The following MCIDAS variants were observed in gnomAD, a reference collection of about 807,000 sequenced individuals.
The protein encoded by MCIDAS is multiciliate differentiation and DNA synthesis associated cell cycle protein, also known as multicilin.
In MCIDAS, 23 loss-of-function variants were observed where a neutral mutation model predicts 35.4. The observed-to-expected ratio is 0.65, with a 90% confidence interval of 0.47 to 0.92. MCIDAS has a LOEUF of 0.92. MCIDAS is among the 40% of genes least tolerant of loss of function. The pLI, the probability that MCIDAS is intolerant of heterozygous loss-of-function variation, is 0.00. For synonymous variants in MCIDAS, 228 were observed against 235.2 expected (o/e 0.97, Z 0.28); for missense variants, 480 against 531.8 (o/e 0.90, Z 0.96).
chr5:55,222,990 G>C lies in MCIDAS; in HGVS notation c.343C>G (p.Leu115Val), dbSNP rs1745389286. ...HSHQTEADFN[L>V]QDFRDTVDDL... ...TCCACCGTGTCTCTGAAATCTTGCA[G>C]ATTGAAGTCTGCTTCCGTTTGGTGG... The change falls in exon 4 of 7, where the codon CTG (leucine) becomes GTG (valine). Residue 115 changes from leucine to valine, a missense_variant. By Grantham distance (32) the Leu-to-Val change is conservative. Transcript: ENST00000513312. 1 of 1,536,162 alleles carries C rather than the reference G, an allele frequency of 6.5e-7. No homozygotes were observed.
intron 4 of MCIDAS, 41 bp from the exon 5 acceptor site, chr5:55,222,440 T>C (rs1285000376): frequency 2.8e-6 from 4 of 1,431,212 alleles, no homozygotes; most frequent in East Asian, 2.5e-5. Context: ...CTCAAATTCA[T>C]GCCCAGCTAG....
Position 55,220,200 on chromosome 5 carries a change from C to A in MCIDAS, c.*166G>T. 1.5e-6 allele frequency: 1 copy of A among 653,076 alleles called. No individual in the cohort carries two copies. The allele number at this position is 653,076 out of a possible 1,614,324, so 40.5% of individuals were successfully genotyped here. A position where few individuals can be genotyped will look rare whatever the true frequency, so the allele number is the denominator to read the frequency against. On this transcript the variant is annotated 3_prime_UTR_variant, in exon 7 of 7. Coordinates refer to ENST00000513312, the MANE Select transcript of MCIDAS (RefSeq NM_001190787.3). ...AGTTTCACTGTGACAAGGGGAGGGG[C>A]TATACAATGTTTTGTAGCAGAAATT...
At position 55,220,176 on chromosome 5, in the gene MCIDAS, G is replaced by T; in HGVS notation, c.*190C>A. On this transcript the variant is annotated 3_prime_UTR_variant, in exon 7 of 7. Transcript: ENST00000513312. ...TGTGACATATACATATATAAACAGA[G>T]TTTCACTGTGACAAGGGGAGGGGCT... The T allele has an allele frequency of 3.3e-6, 2 of 602,318 alleles. No individual in the cohort carries two copies. Among genetic ancestry groups the T allele is most frequent in the Non-Finnish European group, 5.8e-6 (2 of 346,898 alleles). 37.3% of individuals were successfully genotyped at this position (602,318 alleles called of 1,614,324 possible).
chr5:55,227,220 A>G lies in MCIDAS; in HGVS notation c.-82T>C, dbSNP rs1745476063. 9.5e-6 allele frequency: 13 copies of G among 1,363,838 alleles called. No homozygotes were observed. The South Asian group carries it at 2.3e-4, about 24-fold the overall frequency. 84.5% of individuals were successfully genotyped at this position (1,363,838 alleles called of 1,614,324 possible). On this transcript the variant is annotated 5_prime_UTR_variant, in exon 1 of 7. Coordinates refer to ENST00000513312, the MANE Select transcript of MCIDAS (RefSeq NM_001190787.3). ...GCGATCCACACCCTGCACTCCCTTC[A>G]GTGCCTGCAGGCTCCGAAGCCAGCC...
In MCIDAS at chr5:55,226,904, CG is replaced by C; in HGVS notation, c.147del (p.Gly50AspfsTer28). On this transcript the variant is annotated frameshift_variant, in exon 2 of 7. Transcript: ENST00000513312. LOFTEE classifies it high-confidence loss of function. The part of the protein sequence containing the change: ...RKFAPPRKFF[P>X]GCTGGSPVSV... Reference sequence around the variant, plus strand: ...GACACCGGGCTCCCGCCTGTGCATCCGGGGAAGAACTTCCGCGGAGGAGCGA... The same window carrying C: ...GACACCGGGCTCCCGCCTGTGCATCCGGGAAGAACTTCCGCGGAGGAGCGA... The C allele has an allele frequency of 2.1e-6, 3 of 1,421,890 alleles. No homozygotes were observed. Among genetic ancestry groups the C allele is most frequent in the Non-Finnish European group, 1.8e-6 (2 of 1,094,222 alleles). 88.1% of individuals were successfully genotyped at this position (1,421,890 alleles called of 1,614,324 possible).
chr5:55,222,407 A>T lies in MCIDAS; in HGVS notation c.383-8T>A. On this transcript the variant is annotated splice_region_variant and splice_polypyrimidine_tract_variant and intron_variant, in intron 4 of 6. Transcript: ENST00000513312. Reference sequence around the variant, plus strand: ...ACATCATAGAGGATGAGTCTGGAGAAGAGCAGGAGCTGGATTTGCAGCCTC... The same window carrying T: ...ACATCATAGAGGATGAGTCTGGAGATGAGCAGGAGCTGGATTTGCAGCCTC... The T allele has an allele frequency of 5.4e-6, 8 of 1,468,090 alleles. No individual in the cohort carries two copies. The highest frequency in any genetic ancestry group is 1.4e-5 in the African/African-American group (1 of 71,040). The allele number at this position is 1,468,090 out of a possible 1,614,324, so 90.9% of individuals were successfully genotyped here. A position where few individuals can be genotyped will look rare whatever the true frequency, so the allele number is the denominator to read the frequency against.
Position 55,227,239 on chromosome 5 carries a change from G to A in MCIDAS, c.-101C>T. On this transcript the variant is annotated 5_prime_UTR_variant, in exon 1 of 7. Transcript: ENST00000513312. Reference sequence around the variant, plus strand: ...CCCTTCAGTGCCTGCAGGCTCCGAAGCCAGCCAGAGGTTGGGGCAGGCGCG... The same window carrying A: ...CCCTTCAGTGCCTGCAGGCTCCGAAACCAGCCAGAGGTTGGGGCAGGCGCG... The A allele has an allele frequency of 7.4e-7, 1 of 1,346,146 alleles. No individual in the cohort carries two copies. The highest frequency in any genetic ancestry group is 9.5e-7 in the Non-Finnish European group (1 of 1,051,876). 83.4% of individuals were successfully genotyped at this position (1,346,146 alleles called of 1,614,324 possible).
At chr5:55,222,478 G>A in intron 4 of MCIDAS, 79 bp from the exon 5 acceptor site, 3 of 1,161,438 alleles carry the variant, frequency 2.6e-6, no homozygotes, top group South Asian at 1.6e-5. Flanking sequence ...CACTCTGGGT[G>A]TAGGGTGTAT....
chr5:55,226,011 A>G (rs958572471), intron 3 of MCIDAS, among the ~76,000 whole-genome samples: 2 of 152,174 alleles, frequency 1.3e-5, no homozygotes, highest in Admixed American at 6.5e-5. Flanking sequence ...AAAGCGCCCA[A>G]TTGCTGAAGG....
Position 55,221,081 on chromosome 5 carries a change from T to C in MCIDAS, c.652A>G (p.Lys218Glu). 6.5e-7 allele frequency: 1 copy of C among 1,536,106 alleles called. No homozygotes were observed. Among genetic ancestry groups the C allele is most frequent in the Non-Finnish European group, 8.7e-7 (1 of 1,146,914 alleles). Residue 218 changes from lysine (K) to glutamate (E), a missense_variant, in exon 6 of 7, where the codon AAG becomes GAG. Lys to Glu is a moderately conservative substitution (Grantham distance 56). Coordinates refer to ENST00000513312, the MANE Select transcript of MCIDAS (RefSeq NM_001190787.3). Reference protein sequence around the residue: ...TQKQEEIASLKERNVQLKELA... With the variant: ...TQKQEEIASLEERNVQLKELA... ...TCCTTCAGCTGCACGTTCCGCTCCT[T>C]GAGCGAGGCGATCTCCTCCTGTTTC...
rs551902881 is a variant in MCIDAS, at chr5:55,220,126, T to C, written c.*240A>G. Reference sequence around the variant, plus strand: ...ATAATTCAAAGCTGCTAAAAATAAATACTTTTAAAATTGGCTGTGACATAT... The same window carrying C: ...ATAATTCAAAGCTGCTAAAAATAAACACTTTTAAAATTGGCTGTGACATAT... On this transcript the variant is annotated 3_prime_UTR_variant, in exon 7 of 7. Coordinates refer to ENST00000513312, the MANE Select transcript of MCIDAS (RefSeq NM_001190787.3). 3 of 446,766 alleles carry C rather than the reference T, an allele frequency of 6.7e-6. No individual in the cohort carries two copies. Among genetic ancestry groups the C allele is most frequent in the East Asian group, 3.4e-5 (1 of 29,020 alleles). 27.7% of individuals were successfully genotyped at this position (446,766 alleles called of 1,614,324 possible). A position where few individuals can be genotyped will look rare whatever the true frequency, so the allele number is the denominator to read the frequency against.
chr5:55,222,122 C>T, intron 5 of MCIDAS, 54 bp downstream of exon 5: 1 of 1,508,976 alleles, frequency 6.6e-7, no homozygotes, highest in Non-Finnish European at 8.9e-7. Context: ...CACTTCCACC[C>T]TCTATATCCT....
intron 3 of MCIDAS, among the ~76,000 whole-genome samples, chr5:55,224,125 T>A (rs1455345688): frequency 6.6e-6 from 1 of 152,042 alleles, no homozygotes; most frequent in Non-Finnish European, 1.5e-5. Context: ...AGCTCTGAAG[T>A]AGTGGAATAG....
rs1323462595 is a variant in MCIDAS, at chr5:55,220,387, C to G, written c.1137G>C (p.Lys379Asn). Residue 379 changes from lysine (K) to asparagine (N), a missense_variant, in exon 7 of 7, where the codon AAG (lysine) becomes AAC (asparagine). Lys to Asn is a moderately conservative substitution (Grantham distance 94). Coordinates refer to ENST00000513312, the MANE Select transcript of MCIDAS (RefSeq NM_001190787.3). ...FTIRTANGGY[K>N]FRWVPS ...CAGCTCAACTGGGGACCCAGCGGAA[C>G]TTGTAACCCCCGTTGGCTGTTCTGA... is the stretch of plus-strand genomic sequence containing the variant. The G allele has an allele frequency of 3.3e-6, 5 of 1,535,478 alleles. No individual in the cohort carries two copies. In the East Asian group the frequency reaches 1.2e-4, roughly 38 times the overall value.
In MCIDAS at chr5:55,220,341, G is replaced by C; in HGVS notation, c.*25C>G. ...GGCACTTCAGTGGAAACACAGGGCAGTGTTTTGGGGGACCACATCACAGCT... is the reference window on the plus strand; with the variant it reads ...GGCACTTCAGTGGAAACACAGGGCACTGTTTTGGGGGACCACATCACAGCT... On this transcript the variant is annotated 3_prime_UTR_variant, in exon 7 of 7. Transcript: ENST00000513312. 6.6e-7 allele frequency: 1 copy of C among 1,517,138 alleles called. No homozygotes were observed. Among genetic ancestry groups the C allele is most frequent in the Non-Finnish European group, 8.8e-7 (1 of 1,133,568 alleles). 94.0% of individuals were successfully genotyped at this position (1,517,138 alleles called of 1,614,324 possible). A position where few individuals can be genotyped will look rare whatever the true frequency, so the allele number is the denominator to read the frequency against.
chr5:55,224,957 TG>T lies in MCIDAS; in HGVS notation c.309+1618del, dbSNP rs1200207399. Reference sequence around the variant, plus strand: ...GCTCATGCCTGTAATCTCAGCACTTTGGGAGGCTGAGGCAGACAGATCGCTA... The same window carrying T: ...GCTCATGCCTGTAATCTCAGCACTTTGGAGGCTGAGGCAGACAGATCGCTA... On this transcript the variant is annotated intron_variant, in intron 3 of 6. Coordinates refer to ENST00000513312, the MANE Select transcript of MCIDAS (RefSeq NM_001190787.3). Among the ~76,000 whole-genome samples the T allele has an allele frequency of 4.6e-5, 7 of 152,290 alleles. No individual in the cohort carries two copies. The East Asian group carries it at 1.4e-3, about 29-fold the overall frequency.
In MCIDAS at chr5:55,223,133, C is replaced by A; in HGVS notation, c.310-110G>T. 2 of 817,480 alleles carry A rather than the reference C, an allele frequency of 2.4e-6. No individual in the cohort carries two copies. The highest frequency in any genetic ancestry group is 2.7e-5 in the East Asian group (1 of 37,556). The allele number at this position is 817,480 out of a possible 1,614,324, so 50.6% of individuals were successfully genotyped here. A position where few individuals can be genotyped will look rare whatever the true frequency, so the allele number is the denominator to read the frequency against. On this transcript the variant is annotated intron_variant, in intron 3 of 6. Coordinates refer to ENST00000513312, the MANE Select transcript of MCIDAS (RefSeq NM_001190787.3). The surrounding 1 kb of genome is among the most constrained non-coding windows in gnomAD (Gnocchi z 4.4). ...TGGCAGGCACTATGCAATATATGCA[C>A]GTAACACAACTGCACTTGTACCCCT...
At chr5:55,222,141 C>G (rs1157741254) in intron 5 of MCIDAS, 35 bp downstream of exon 5, 26 of 1,526,434 alleles carry the variant, frequency 1.7e-5, no homozygotes, top group Non-Finnish European at 2.1e-5. Context: ...CTGTCCCTGC[C>G]CCAGGATTCC....
chr5:55,221,216 C>T, intron 5 of MCIDAS, 90 bp from the exon 6 acceptor site: 1 of 819,126 alleles, frequency 1.2e-6, no homozygotes, highest in Non-Finnish European at 1.9e-6. Flanking sequence ...ATCCTGACGT[C>T]TCATCAGGAA....
Sources: gnomAD v4.1 joint callset for allele counts (sites outside exome capture counted in the v4.1 genomes callset) on GRCh38, gnomAD v4.1.1 for gene constraint, Gnocchi (gnomAD v3.1) non-coding constraint, MANE v1.5 for transcripts, NCBI Gene and HGNC (gene_info 2026-07-23, HGNC 2026-07-21) for gene names.